PTPRD: variants seen among roughly 807,000 people sequenced by gnomAD.
The protein encoded by PTPRD is receptor-type tyrosine-protein phosphatase delta.
PTPRD carries 34 observed loss-of-function variants against 214.5 expected under a neutral mutation model. That is an observed-to-expected ratio of 0.16 (90% CI 0.12 to 0.21). PTPRD has a LOEUF of 0.21. Ranked by LOEUF, PTPRD falls within the 10% of genes least tolerant of loss-of-function variation. The probability of loss-of-function intolerance (pLI) is 1.00; values close to 1 mark genes in which losing one functional copy is unlikely to be tolerated. For missense variants in PTPRD, 2,545 were observed against 2,398.7 expected (o/e 1.06, Z -1.27); for synonymous variants, 1,128 against 845.7 (o/e 1.33, Z -5.79).
At chr9:10,191,755 A>G (rs2099364534) in intron 3 of PTPRD, among the ~76,000 whole-genome samples, 1 of 152,112 alleles carries the variant, frequency 6.6e-6, no homozygotes, top group Admixed American at 6.6e-5. Context: ...CAGTGTTCTC[A>G]TAGTATTTTT....
At chr9:8,713,437 C>A (rs1055493016) in intron 12 of PTPRD, 22 of 1,093,234 alleles carry the variant, frequency 2.0e-5, no homozygotes, top group Non-Finnish European at 2.6e-5. Flanking sequence ...CGCCAAGTCC[C>A]GCTTCTGGTA....
chr9:10,445,597 T>C (rs1263552905), intron 2 of PTPRD, among the ~76,000 whole-genome samples: 2 of 152,198 alleles, frequency 1.3e-5, no homozygotes, highest in East Asian at 3.9e-4. Flanking sequence ...TGAAGTATAC[T>C]TAGAATTTGG....
At position 9,390,876 on chromosome 9, in the gene PTPRD, G is replaced by T. The variant is rs780752642; in HGVS notation, c.-203+6573C>A. 7.2e-5 allele frequency among the ~76,000 whole-genome samples: 11 copies of T among 152,104 alleles called. 1 individual carries two copies. The highest frequency in any genetic ancestry group is 2.9e-5 in the Non-Finnish European group (2 of 68,022). On this transcript the variant is annotated intron_variant, in intron 9 of 45. Coordinates refer to ENST00000381196, the MANE Select transcript of PTPRD (RefSeq NM_002839.4). ...TCCATCTTACATGCTGGTTGTGAGG[G>T]GTAGTGACCTGGCAAATAGTAATCA...
chr9:9,371,494 C>G (rs907636256), intron 9 of PTPRD, among the ~76,000 whole-genome samples: 3 of 151,764 alleles, frequency 2.0e-5, no homozygotes, highest in Non-Finnish European at 4.4e-5. Context: ...CTATTTGATT[C>G]TTCTCTCTTT....
chr9:8,727,551 T>C (rs2098598683), intron 12 of PTPRD, among the ~76,000 whole-genome samples: 1 of 152,214 alleles, frequency 6.6e-6, no homozygotes, highest in Admixed American at 6.5e-5. Context: ...CATGTAAACA[T>C]ACAGGTTACT....
chr9:8,654,517 G>T (rs1037801478), intron 12 of PTPRD, among the ~76,000 whole-genome samples: 3 of 152,094 alleles, frequency 2.0e-5, no homozygotes, highest in Non-Finnish European at 4.4e-5. Context: ...ACAAGAAAAA[G>T]AAATACTTAT....
At chr9:10,236,034 C>T (rs1222472851) in intron 3 of PTPRD, among the ~76,000 whole-genome samples, 2 of 151,840 alleles carry the variant, frequency 1.3e-5, no homozygotes, top group African/African-American at 4.8e-5. Context: ...CACTAGAAAA[C>T]AGGATAATTT....
chr9:9,832,581 C>G (rs1399282194), intron 5 of PTPRD, among the ~76,000 whole-genome samples: 1 of 151,894 alleles, frequency 6.6e-6, no homozygotes, highest in Non-Finnish European at 1.5e-5. Context: ...ATTCATACTT[C>G]TAGGGTAATT....
intron 10 of PTPRD, among the ~76,000 whole-genome samples, chr9:9,139,961 C>T (rs192558130): frequency 1.9e-3 from 287 of 151,754 alleles, no homozygotes; most frequent in Non-Finnish European, 1.7e-3. Flanking sequence ...GCATTCATTA[C>T]GGAAATGGTG....
At chr9:9,403,290 C>CAAAAAAAAAAAAAAAA (rs56105335) in intron 8 of PTPRD, among the ~76,000 whole-genome samples, 1 of 60,658 alleles carries the variant, frequency 1.6e-5, no homozygotes, top group Non-Finnish European at 2.8e-5. Flanking sequence ...TACTCTGTCT[C>CAAAAAAAAAAAAAAAA]AAAAAAAAAA....
At position 9,716,256 on chromosome 9, in the gene PTPRD, T is replaced by A. The variant is rs527564335; in HGVS notation, c.-287+18277A>T. Among the ~76,000 whole-genome samples, 178 of 152,180 alleles carry A rather than the reference T, an allele frequency of 1.2e-3. 6 individuals are homozygous for A. The East Asian group carries it at 0.034, about 29-fold the overall frequency. ...ATTTTTTTAATTCAGTCTATCATTG[T>A]TGGACATTTGGGTTGGTTTCAAGTC... On this transcript the variant is annotated intron_variant, in intron 7 of 45. Transcript: ENST00000381196.
chr9:9,359,481 G>T (rs946425871), intron 9 of PTPRD, among the ~76,000 whole-genome samples: 1 of 151,208 alleles, frequency 6.6e-6, no homozygotes, highest in African/African-American at 2.4e-5. Context: ...TAAAAACAGT[G>T]TTTGCAAACA....
At chr9:10,055,443 T>C (rs562077340) in intron 3 of PTPRD, among the ~76,000 whole-genome samples, 2 of 152,246 alleles carry the variant, frequency 1.3e-5, no homozygotes, top group South Asian at 2.1e-4. Context: ...GTAGTTACTA[T>C]TTTTAAGCTC....
At chr9:8,583,318 CCCTGATTTAGACA>C (rs1362631339) in intron 14 of PTPRD, among the ~76,000 whole-genome samples, 3 of 151,972 alleles carry the variant, frequency 2.0e-5, no homozygotes, top group Non-Finnish European at 2.9e-5. Flanking sequence ...GGTTGGGGAC[CCCTGATTTAGACA>C]ACATGTTTCA....
chr9:9,841,629 G>A (rs961628385), intron 5 of PTPRD, among the ~76,000 whole-genome samples: 3 of 152,146 alleles, frequency 2.0e-5, no homozygotes, highest in African/African-American at 7.2e-5. Context: ...CATTAAAGAT[G>A]AAGTTGTTAG....
chr9:9,954,719 T>C (rs1038553301), intron 4 of PTPRD, among the ~76,000 whole-genome samples: 1 of 152,162 alleles, frequency 6.6e-6, no homozygotes, highest in Non-Finnish European at 1.5e-5. Flanking sequence ...TCCTATTTTT[T>C]ATATCAATTT....
chr9:10,480,525 AT>A (rs1278463054), intron 2 of PTPRD, among the ~76,000 whole-genome samples: 1 of 152,074 alleles, frequency 6.6e-6, no homozygotes, highest in East Asian at 1.9e-4. Flanking sequence ...AAAGCAAGAC[AT>A]TTTTTATAAA....
At chr9:10,601,991 C>A (rs1268610721) in intron 2 of PTPRD, among the ~76,000 whole-genome samples, 1 of 151,778 alleles carries the variant, frequency 6.6e-6, no homozygotes, top group Non-Finnish European at 1.5e-5. Flanking sequence ...GTTTACATAT[C>A]TTTCACACCT....
intron 9 of PTPRD, among the ~76,000 whole-genome samples, chr9:9,225,041 A>T (rs937023940): frequency 6.6e-6 from 1 of 152,018 alleles, no homozygotes; most frequent in African/African-American, 2.4e-5. Flanking sequence ...CATCTATGGC[A>T]ACTCAAATCC....
Sources: gnomAD v4.1 joint callset for allele counts (sites outside exome capture counted in the v4.1 genomes callset) on GRCh38, gnomAD v4.1.1 for gene constraint, MANE v1.5 for transcripts, NCBI Gene and HGNC (gene_info 2026-07-23, HGNC 2026-07-21) for gene names.